SH3RF1: variants seen among roughly 807,000 people sequenced by gnomAD.
The protein encoded by SH3RF1 is E3 ubiquitin-protein ligase SH3RF1.
SH3RF1 carries 32 observed loss-of-function variants against 74.0 expected under a neutral mutation model. The observed-to-expected ratio is 0.43, with a 90% confidence interval of 0.33 to 0.58. The LOEUF (loss-of-function observed/expected upper bound fraction) is 0.58. SH3RF1 is among the 20% of genes least tolerant of loss of function. The pLI is 0.05. For missense variants in SH3RF1, 954 were observed against 1,130.9 expected (o/e 0.84, Z 2.24); for synonymous variants, 396 against 439.6 (o/e 0.90, Z 1.24).
At position 169,239,073 on chromosome 4, in the gene SH3RF1, A is replaced by C. The variant is rs796245864; in HGVS notation, c.393+29747T>G. ...ACAGTGCCGTTCTGGGTCAATTCTT[A>C]AATATACTAGAATATACTAGACATA... On this transcript the variant is annotated intron_variant, in intron 2 of 11. Transcript: ENST00000284637. Among the ~76,000 whole-genome samples the C allele has an allele frequency of 4.6e-5, 7 of 151,716 alleles. 1 individual carries two copies. Among genetic ancestry groups the C allele is most frequent in the African/African-American group, 1.7e-4 (7 of 41,254 alleles).
chr4:169,216,916 C>T (rs1730472406), intron 2 of SH3RF1, among the ~76,000 whole-genome samples: 1 of 149,906 alleles, frequency 6.7e-6, no homozygotes, highest in South Asian at 2.1e-4. Context: ...TTTGGGAGGC[C>T]GAGGCAGGCG....
intron 4 of SH3RF1, among the ~76,000 whole-genome samples, chr4:169,152,431 G>GT (rs1427745941): frequency 6.6e-6 from 1 of 152,198 alleles, no homozygotes; most frequent in Non-Finnish European, 1.5e-5. Flanking sequence ...TAAGCAAAGT[G>GT]TTTTGCATTA....
intron 2 of SH3RF1, among the ~76,000 whole-genome samples, chr4:169,227,139 C>T (rs1730663962): frequency 6.6e-6 from 1 of 151,758 alleles, no homozygotes; most frequent in East Asian, 1.9e-4. Context: ...GTACTCCAGC[C>T]CGGGTGACAG....
intron 11 of SH3RF1, among the ~76,000 whole-genome samples, chr4:169,098,960 A>C (rs1207271619): frequency 6.6e-6 from 1 of 152,224 alleles, no homozygotes; most frequent in Admixed American, 6.5e-5. Flanking sequence ...CACTTCAAGG[A>C]GGTGAAGAAT....
chr4:169,166,752 G>C (rs1734251977), intron 2 of SH3RF1: 2 of 214,018 alleles, frequency 9.3e-6, no homozygotes. Flanking sequence ...CAAGAGAATG[G>C]TTTTCCCGAA....
At chr4:169,242,721 G>A (rs1730933115) in intron 2 of SH3RF1, among the ~76,000 whole-genome samples, 1 of 152,144 alleles carries the variant, frequency 6.6e-6, no homozygotes, top group African/African-American at 2.4e-5. Context: ...GAAGGGAGTG[G>A]GTTTGTTATA....
At chr4:169,259,556 GC>G (rs1189190607) in intron 2 of SH3RF1, among the ~76,000 whole-genome samples, 1 of 152,180 alleles carries the variant, frequency 6.6e-6, no homozygotes, top group African/African-American at 2.4e-5. Flanking sequence ...GAAAAAGGGT[GC>G]CTGGGGCTCT....
intron 2 of SH3RF1, among the ~76,000 whole-genome samples, chr4:169,157,099 G>A (rs571837242): frequency 6.6e-6 from 1 of 152,256 alleles, no homozygotes; most frequent in South Asian, 2.1e-4. Flanking sequence ...GATACTGAGG[G>A]GAAAAATTTA....
chr4:169,178,049 T>C (rs994535969), intron 2 of SH3RF1, among the ~76,000 whole-genome samples: 1 of 151,916 alleles, frequency 6.6e-6, no homozygotes, highest in East Asian at 1.9e-4. Context: ...GAGACGAGCC[T>C]GGCCAACATG....
intron 2 of SH3RF1, among the ~76,000 whole-genome samples, chr4:169,225,369 T>G (rs1730641182): frequency 6.6e-6 from 1 of 151,724 alleles, no homozygotes; most frequent in Admixed American, 6.6e-5. Context: ...TGTTTGGGAG[T>G]TATCAGCAAG....
At chr4:169,181,171 C>G (rs1253159234) in intron 2 of SH3RF1, among the ~76,000 whole-genome samples, 2 of 151,760 alleles carry the variant, frequency 1.3e-5, no homozygotes, top group Non-Finnish European at 2.9e-5. Flanking sequence ...TTTCTCCTCC[C>G]TTATTTGGTA....
chr4:169,094,812 T>C lies in SH3RF1; in HGVS notation c.*1707A>G, dbSNP rs1035701238. Reference sequence around the variant, plus strand: ...AAAAAAAGGTTAATTTAGGAATGATTTCATCTTCAACCACATAAAGTATCT... The same window carrying C: ...AAAAAAAGGTTAATTTAGGAATGATCTCATCTTCAACCACATAAAGTATCT... On this transcript the variant is annotated 3_prime_UTR_variant, in exon 12 of 12. Transcript: ENST00000284637. 6.6e-6 allele frequency: 1 copy of C among 152,010 alleles called. No homozygotes were observed. Among genetic ancestry groups the C allele is most frequent in the East Asian group, 1.9e-4 (1 of 5,200 alleles). The allele number at this position is 152,010 out of a possible 1,614,324, so 9.4% of individuals were successfully genotyped here. A position where few individuals can be genotyped will look rare whatever the true frequency, so the allele number is the denominator to read the frequency against.
rs73864697 is a variant in SH3RF1, at chr4:169,107,017, G to A, written c.2328C>T (p.Asp776=). ...GHGRAGSCPV[D]GDGPVTTAVA... ...CTGCAGTCGTGACCGGTCCGTCCCCGTCCACAGGGCAGGAGCCTGCCCTGC... is the reference window on the plus strand; with the variant it reads ...CTGCAGTCGTGACCGGTCCGTCCCCATCCACAGGGCAGGAGCCTGCCCTGC... The change falls in exon 11 of 12, where the codon GAC becomes GAT. Residue 776 remains aspartate, a synonymous_variant. Coordinates refer to ENST00000284637, the MANE Select transcript of SH3RF1 (RefSeq NM_020870.4). 98 of 1,613,860 alleles carry A rather than the reference G, an allele frequency of 6.1e-5. No individual in the cohort carries two copies. The South Asian group carries it at 8.6e-4, about 14-fold the overall frequency.
At chr4:169,164,131 T>C (rs113734802) in intron 2 of SH3RF1, among the ~76,000 whole-genome samples, 3 of 152,336 alleles carry the variant, frequency 2.0e-5, no homozygotes, top group African/African-American at 4.8e-5. Context: ...ACTGTTATCA[T>C]GGCCCTTATC....
chr4:169,209,283 T>TG (rs1256292226), intron 2 of SH3RF1, among the ~76,000 whole-genome samples: 4 of 148,648 alleles, frequency 2.7e-5, no homozygotes, highest in Non-Finnish European at 4.5e-5. Flanking sequence ...AACAAGACCC[T>TG]GTCCGAAAAA....
At chr4:169,136,231 T>C (rs1733696814) in intron 5 of SH3RF1, 87 bp downstream of exon 5, 2 of 1,281,570 alleles carry the variant, frequency 1.6e-6, no homozygotes, top group Admixed American at 2.9e-5. Flanking sequence ...AAATAAGCAA[T>C]GTTTGTCAGC....
chr4:169,239,192 C>G (rs1730864693), intron 2 of SH3RF1, among the ~76,000 whole-genome samples: 1 of 152,190 alleles, frequency 6.6e-6, no homozygotes, highest in Non-Finnish European at 1.5e-5. Flanking sequence ...ATGTGGATAG[C>G]CATTTCTGCC....
intron 2 of SH3RF1, among the ~76,000 whole-genome samples, chr4:169,230,960 A>G (rs375856778): frequency 6.6e-6 from 1 of 152,192 alleles, no homozygotes; most frequent in African/African-American, 2.4e-5. Flanking sequence ...CAATAGGCTC[A>G]AAAGGTTGAA....
At chr4:169,192,124 G>A (rs998386363) in intron 2 of SH3RF1, among the ~76,000 whole-genome samples, 1 of 152,114 alleles carries the variant, frequency 6.6e-6, no homozygotes, top group African/African-American at 2.4e-5. Flanking sequence ...CAGAGTGGGA[G>A]AAAATCTTCA....
Sources: gnomAD v4.1 joint callset for allele counts (sites outside exome capture counted in the v4.1 genomes callset) on GRCh38, gnomAD v4.1.1 for gene constraint, MANE v1.5 for transcripts, NCBI Gene and HGNC (gene_info 2026-07-23, HGNC 2026-07-21) for gene names.